The following CHL1 variants were observed in gnomAD, a reference collection of about 807,000 sequenced individuals.
The protein encoded by CHL1 is neural cell adhesion molecule L1-like protein.
Under a neutral mutation model 141.9 loss-of-function variants are expected in CHL1, and 96 were observed. The observed-to-expected ratio is 0.68, with a 90% CI of 0.57 to 0.80. The LOEUF is 0.80. Among genes scored for constraint, CHL1 ranks in the 30% least tolerant of loss-of-function variants. CHL1 has a pLI of 0.00. For missense variants in CHL1, 1,820 were observed against 1,457.2 expected (o/e 1.25, Z -4.05); for synonymous variants, 613 against 502.2 (o/e 1.22, Z -2.95).
Position 363,223 on chromosome 3 carries a change from G to C in CHL1, c.1425G>C (p.Lys475Asn), listed in dbSNP as rs760388683. ...ASPEAVVSWQ[K>N]VEEVKPLEGR... ...ACGCTTTCTTTGTCCATAGGCAGAA[G>C]GTGGAAGAAGTGAAACCCCTGGAGG... The change falls in exon 14 of 28, where the codon AAG (lysine) becomes AAC (asparagine). Residue 475 changes from lysine to asparagine, a missense_variant. By Grantham distance (94) the Lys-to-Asn change is moderately conservative (BLOSUM62 0). Coordinates refer to ENST00000256509, the MANE Select transcript of CHL1 (RefSeq NM_006614.4). 6.2e-7 allele frequency: 1 copy of C among 1,608,926 alleles called. No homozygotes were observed. Among genetic ancestry groups the C allele is most frequent in the Non-Finnish European group, 8.5e-7 (1 of 1,178,304 alleles).
In CHL1 at chr3:390,697, A is replaced by T. The variant is rs772990547; in HGVS notation, c.2471-4A>T. The T allele has an allele frequency of 7.3e-6, 11 of 1,502,096 alleles. No individual in the cohort carries two copies. In the African/African-American group the frequency reaches 9.7e-5, roughly 13 times the overall value. 93.0% of individuals were successfully genotyped at this position (1,502,096 alleles called of 1,614,324 possible). A position where few individuals can be genotyped will look rare whatever the true frequency, so the allele number is the denominator to read the frequency against. The stretch of plus-strand genomic sequence containing the variant: ...AAAACTAATCAATCTTCTATGATTA[A>T]CAGATCCTGATACAGCTCCAGTGAT... On this transcript the variant is annotated splice_polypyrimidine_tract_variant and splice_region_variant and intron_variant, in intron 20 of 27. Coordinates refer to ENST00000256509, the MANE Select transcript of CHL1 (RefSeq NM_006614.4).
At chr3:363,169 T>A in intron 13 of CHL1, 48 bp from the exon 14 acceptor site, 1 of 1,539,860 alleles carries the variant, frequency 6.5e-7, no homozygotes, top group Non-Finnish European at 8.8e-7. Flanking sequence ...AAAAAGCGTA[T>A]ACAATTTTGC....
At chr3:273,212 G>T (rs973626652) in intron 2 of CHL1, among the ~76,000 whole-genome samples, 1 of 152,108 alleles carries the variant, frequency 6.6e-6, no homozygotes, top group Admixed American at 6.5e-5. Context: ...AGTGTTGTTG[G>T]CATCAGTGAG....
chr3:228,480 C>T (rs1345521303), intron 1 of CHL1, among the ~76,000 whole-genome samples: 2 of 37,928 alleles, frequency 5.3e-5, no homozygotes, highest in Non-Finnish European at 1.8e-4. Context: ...AATATGTGTA[C>T]ACACACACAC....
chr3:332,665 A>T (rs1355642784), intron 5 of CHL1, among the ~76,000 whole-genome samples: 1 of 152,176 alleles, frequency 6.6e-6, no homozygotes, highest in Non-Finnish European at 1.5e-5. Flanking sequence ...TCAACCTGAA[A>T]ATTGTTCTCA....
Position 340,872 on chromosome 3 carries a change from C to T in CHL1, c.464C>T (p.Pro155Leu). Residue 155 changes from proline to leucine, a missense_variant, in exon 6 of 28, where the codon CCT (proline) becomes CTT (leucine). Transcript: ENST00000256509. ...EGDPIVLPCN[P>L]PKGLPPLHIY... ...GATCCAATTGTCCTCCCATGCAATC[C>T]TCCCAAAGGCCTCCCACCTTTACAC... is the stretch of plus-strand genomic sequence containing the variant. 6.2e-7 allele frequency: 1 copy of T among 1,612,918 alleles called. No individual in the cohort carries two copies. The highest frequency in any genetic ancestry group is 8.5e-7 in the Non-Finnish European group (1 of 1,179,058).
At chr3:347,520 C>G (rs1702865461) in intron 9 of CHL1, among the ~76,000 whole-genome samples, 1 of 151,636 alleles carries the variant, frequency 6.6e-6, no homozygotes, top group Non-Finnish European at 1.5e-5. Context: ...TTACTTTATT[C>G]TTTCAAGTAA....
chr3:369,372 G>C (rs1044212271), intron 15 of CHL1, among the ~76,000 whole-genome samples: 3 of 152,112 alleles, frequency 2.0e-5, no homozygotes, highest in Non-Finnish European at 4.4e-5. Context: ...TTGTGAATGG[G>C]AGTTCATTTA....
At chr3:247,130 C>T (rs1405039689) in intron 2 of CHL1, 2 of 151,862 alleles carry the variant, frequency 1.3e-5, no homozygotes, top group Non-Finnish European at 2.9e-5. Context: ...GCTGCCTTCT[C>T]TTGGTGGTCT....
In CHL1 at chr3:405,749, A is replaced by T. The variant is rs1327378460; in HGVS notation, c.*38A>T. The T allele has an allele frequency of 5.4e-6, 8 of 1,468,744 alleles. No homozygotes were observed. The highest frequency in any genetic ancestry group is 1.7e-5 in the Admixed American group (1 of 59,496). The allele number at this position is 1,468,744 out of a possible 1,614,324, so 91.0% of individuals were successfully genotyped here. On this transcript the variant is annotated 3_prime_UTR_variant, in exon 28 of 28. Coordinates refer to ENST00000256509, the MANE Select transcript of CHL1 (RefSeq NM_006614.4). ...TAAGCAACGCTACTGGTTCACCCCA[A>T]CCTTCCATATTTATCTGTTCAAAGG...
intron 1 of CHL1, among the ~76,000 whole-genome samples, chr3:198,705 C>T (rs949800260): frequency 2.6e-5 from 4 of 152,238 alleles, no homozygotes; most frequent in African/African-American, 9.6e-5. Flanking sequence ...GATGCCATTA[C>T]TGTTAGTTAA....
rs150057086 is a variant in CHL1, at chr3:307,740, G to A, written c.-94-11943G>A. Among the ~76,000 whole-genome samples the A allele has an allele frequency of 3.2e-3, 494 of 152,024 alleles. 2 individuals are homozygous for A. The highest frequency in any genetic ancestry group is 0.011 in the African/African-American group (472 of 41,462). On this transcript the variant is annotated intron_variant, in intron 2 of 27. Transcript: ENST00000256509. ...TACTTACACACTTAACATACTTTAC[G>A]AAATAAAGATACCTGAAGTACATGT...
At chr3:239,559 C>T (rs971502869) in intron 1 of CHL1, among the ~76,000 whole-genome samples, 1 of 149,316 alleles carries the variant, frequency 6.7e-6, no homozygotes. Flanking sequence ...AGCTTTAATG[C>T]ATTCATTCTT....
rs2060307 is a variant in CHL1 at position 337,870 on chromosome 3, T to C, written c.386-2924T>C. ...GTCTTCATAGCAGCATGATTTATAATCCTTTGGGTATATACCCAGTAATGG... is the reference window on the plus strand; with the variant it reads ...GTCTTCATAGCAGCATGATTTATAACCCTTTGGGTATATACCCAGTAATGG... On this transcript the variant is annotated intron_variant, in intron 5 of 27. Transcript: ENST00000256509. Among the ~76,000 whole-genome samples, 297 of 152,294 alleles carry C rather than the reference T, an allele frequency of 2.0e-3. 1 individual carries two copies. Among genetic ancestry groups the C allele is most frequent in the Middle Eastern group, 0.01 (3 of 294 alleles).
At chr3:366,208 C>A in intron 15 of CHL1, 93 bp downstream of exon 15, 3 of 1,217,022 alleles carry the variant, frequency 2.5e-6, no homozygotes, top group Non-Finnish European at 3.5e-6. Flanking sequence ...TGCTGACTCA[C>A]GCTTGTAATC....
At chr3:278,146 C>T (rs894523667) in intron 2 of CHL1, among the ~76,000 whole-genome samples, 8 of 152,144 alleles carry the variant, frequency 5.3e-5, no homozygotes, top group African/African-American at 7.2e-5. Flanking sequence ...TTTCTTCATC[C>T]GCTCTATAGA....
At chr3:289,931 CT>C (rs769872997) in intron 2 of CHL1, among the ~76,000 whole-genome samples, 96 of 102,756 alleles carry the variant, frequency 9.3e-4, no homozygotes, top group Non-Finnish European at 1.1e-3. Flanking sequence ...CCACTGGTAT[CT>C]TTTTTTTTTT....
chr3:342,182 G>A (rs1463588678), intron 7 of CHL1, 100 bp downstream of exon 7: 35 of 1,062,914 alleles, frequency 3.3e-5, no homozygotes, highest in Non-Finnish European at 4.6e-5. Context: ...TTGATATTTT[G>A]CACCATTGTG....
chr3:336,735 A>G lies in CHL1; in HGVS notation c.386-4059A>G, dbSNP rs1701896632. 1.3e-5 allele frequency among the ~76,000 whole-genome samples: 2 copies of G among 152,196 alleles called. 1 individual carries two copies. Among genetic ancestry groups the G allele is most frequent in the South Asian group, 4.1e-4 (2 of 4,834 alleles). ...TGTTTTCAGAAGTCTTCTTTATTTC[A>G]GGAATGAAGATGCTATTTTTCTGTA... On this transcript the variant is annotated intron_variant, in intron 5 of 27. Transcript: ENST00000256509.
Sources: allele counts gnomAD v4.1 joint callset (sites outside exome capture counted in the v4.1 genomes callset), GRCh38; gene constraint gnomAD v4.1.1; transcripts MANE v1.5; gene names NCBI Gene and HGNC (gene_info 2026-07-23, HGNC 2026-07-21).